The following CAST variants were observed in gnomAD, a reference collection of about 807,000 sequenced individuals.
CAST encodes the protein calpastatin, also known as MIR583 host.
Under a neutral mutation model 119.6 loss-of-function variants are expected in CAST, and 76 were observed. That is an observed-to-expected ratio of 0.64 (90% CI 0.53 to 0.77). CAST has a LOEUF of 0.77. CAST is among the 30% of genes least tolerant of loss of function. The probability of loss-of-function intolerance (pLI) is 0.00; values close to 1 mark genes in which losing one functional copy is unlikely to be tolerated. For missense variants in CAST, 953 were observed against 946.5 expected, an observed-to-expected ratio of 1.01 and a Z score of -0.09; for synonymous variants, 319 against 331.6, an observed-to-expected ratio of 0.96 and a Z score of 0.41.
the CAST span, among the ~76,000 whole-genome samples, chr5:96,484,788 A>G: frequency 6.6e-6 from 1 of 152,096 alleles, no homozygotes; most frequent in Non-Finnish European, 1.5e-5. Context: ...TCACAGACCT[A>G]GGATTTTTCT....
upstream of CAST, among the ~76,000 whole-genome samples, chr5:96,521,088 C>T (rs1745509210): frequency 6.6e-6 from 1 of 152,126 alleles, no homozygotes; most frequent in Non-Finnish European, 1.5e-5. Flanking sequence ...CTTGTATAGA[C>T]CACTACCCCA....
the CAST span, among the ~76,000 whole-genome samples, chr5:96,261,265 A>G: frequency 6.6e-6 from 1 of 152,360 alleles, no homozygotes; most frequent in East Asian, 1.9e-4. Flanking sequence ...GGGCAGGTCT[A>G]TGTAAACCTA....
intron 1 of CAST, among the ~76,000 whole-genome samples, chr5:96,576,542 G>T (rs1746674252): frequency 6.6e-6 from 1 of 151,880 alleles, no homozygotes; most frequent in African/African-American, 2.4e-5. Flanking sequence ...ATGGGGTTTA[G>T]CCATGTTGAC....
intron 3 of CAST, among the ~76,000 whole-genome samples, chr5:96,699,773 A>G (rs182574909): frequency 3.3e-5 from 5 of 152,284 alleles, no homozygotes; most frequent in Admixed American, 1.3e-4. Flanking sequence ...GAAATTATCA[A>G]TATGTGGTGA....
the CAST span, among the ~76,000 whole-genome samples, chr5:96,402,512 G>A: frequency 2.0e-5 from 3 of 151,970 alleles, no homozygotes; most frequent in Admixed American, 6.6e-5. Flanking sequence ...CTCCACTCCC[G>A]TACTCTCTTG....
At chr5:96,372,939 C>T in the CAST span, among the ~76,000 whole-genome samples, 4 of 152,156 alleles carry the variant, frequency 2.6e-5, no homozygotes, top group Admixed American at 1.3e-4. Flanking sequence ...GATGATAGCA[C>T]AATGTCCAGG....
intron 1 of CAST, among the ~76,000 whole-genome samples, chr5:96,672,233 C>T (rs781609825): frequency 1.3e-5 from 2 of 151,914 alleles, no homozygotes; most frequent in Non-Finnish European, 2.9e-5. Flanking sequence ...CTCTCTGTCT[C>T]TCTCTCTCTC....
chr5:96,365,217 A>C, the CAST span, among the ~76,000 whole-genome samples: 2 of 152,170 alleles, frequency 1.3e-5, no homozygotes, highest in African/African-American at 4.8e-5. Context: ...GTTCTTTTAC[A>C]TTTGCTGAGG....
chr5:96,343,974 C>T, the CAST span, among the ~76,000 whole-genome samples: 1 of 152,136 alleles, frequency 6.6e-6, no homozygotes, highest in South Asian at 2.1e-4. Flanking sequence ...CTAGATAAAC[C>T]AATGTTTAAT....
the CAST span, among the ~76,000 whole-genome samples, chr5:96,084,457 G>C: frequency 1.3e-5 from 2 of 152,226 alleles, no homozygotes; most frequent in Non-Finnish European, 2.9e-5. Flanking sequence ...ATAGATTGGA[G>C]ATATCCAGAG....
chr5:96,330,233 T>C, the CAST span, among the ~76,000 whole-genome samples: 7 of 152,182 alleles, frequency 4.6e-5, no homozygotes, highest in Non-Finnish European at 8.8e-5. Flanking sequence ...TTTACAAAGA[T>C]GGCAGTTTTA....
At chr5:96,178,677 G>C in the CAST span, among the ~76,000 whole-genome samples, 24 of 152,206 alleles carry the variant, frequency 1.6e-4, no homozygotes, top group African/African-American at 5.8e-4. Context: ...TGTTTGTTAT[G>C]GGGGAGCACT....
At chr5:96,619,530 C>T (rs1003885416) in intron 1 of CAST, among the ~76,000 whole-genome samples, 10 of 152,364 alleles carry the variant, frequency 6.6e-5, no homozygotes, top group East Asian at 3.9e-4. Flanking sequence ...TCCTCTTCCA[C>T]AGTGTGGTAG....
the CAST span, among the ~76,000 whole-genome samples, chr5:96,362,892 G>T: frequency 3.9e-5 from 6 of 152,304 alleles, no homozygotes; most frequent in Admixed American, 2.0e-4. Context: ...TGGTGTTTTA[G>T]TCATGAAGTC....
At chr5:95,965,570 T>C in the CAST span, among the ~76,000 whole-genome samples, 1 of 152,216 alleles carries the variant, frequency 6.6e-6, no homozygotes, top group Admixed American at 6.5e-5. Context: ...GCACAGAAGC[T>C]CTCTCAATGT....
At chr5:96,302,027 A>G in the CAST span, among the ~76,000 whole-genome samples, 1 of 152,266 alleles carries the variant, frequency 6.6e-6, no homozygotes, top group East Asian at 1.9e-4. Flanking sequence ...CCTGCAGCAG[A>G]TTTCTGCCTG....
At chr5:96,285,263 T>C in the CAST span, among the ~76,000 whole-genome samples, 1 of 152,050 alleles carries the variant, frequency 6.6e-6, no homozygotes, top group East Asian at 1.9e-4. Flanking sequence ...AAAAAGATGA[T>C]AAAGAAATAA....
chr5:96,195,475 G>C, the CAST span, among the ~76,000 whole-genome samples: 1 of 152,188 alleles, frequency 6.6e-6, no homozygotes, highest in Admixed American at 6.5e-5. Flanking sequence ...AACAGACAAA[G>C]TGAACTGCAA....
the CAST span, among the ~76,000 whole-genome samples, chr5:96,114,959 A>T: frequency 6.6e-6 from 1 of 152,218 alleles, no homozygotes; most frequent in Admixed American, 6.5e-5. Flanking sequence ...TGTTACACTC[A>T]GTTTGCTCAT....
Sources: gnomAD v4.1 joint callset for allele counts (sites outside exome capture counted in the v4.1 genomes callset) on GRCh38, gnomAD v4.1.1 for gene constraint, MANE v1.5 for transcripts, NCBI Gene and HGNC (gene_info 2026-07-23, HGNC 2026-07-21) for gene names.